The following LRRC41 variants were observed in gnomAD, a reference collection of about 807,000 sequenced individuals.
LRRC41 encodes the protein leucine rich repeat containing 41.
A neutral mutation model predicts 72.1 loss-of-function variants in LRRC41; 17 were observed. The observed-to-expected ratio is 0.24, with a 90% CI of 0.16 to 0.35. LRRC41 has a LOEUF of 0.35. LRRC41 is among the 10% of genes least tolerant of loss of function. LRRC41 has a pLI of 1.00. For missense variants in LRRC41, 759 were observed against 1,065.0 expected (o/e 0.71, Z 4.00); for synonymous variants, 427 against 431.0 (o/e 0.99, Z 0.11).
chr1:46,278,741 A>C lies in LRRC41; in HGVS notation c.*124T>G, dbSNP rs928610075. ...AGGACCTCAGTGCAAGGGAAGAAGG[A>C]AAAAAGAGAAAAAAGGTGACAGAAA... On this transcript the variant is annotated 3_prime_UTR_variant, in exon 10 of 10. Transcript: ENST00000617190. 1.0e-5 allele frequency: 10 copies of C among 991,766 alleles called. No individual in the cohort carries two copies. The highest frequency in any genetic ancestry group is 1.5e-5 in the Non-Finnish European group (10 of 670,162). The allele number at this position is 991,766 out of a possible 1,614,324, so 61.4% of individuals were successfully genotyped here. A position where few individuals can be genotyped will look rare whatever the true frequency, so the allele number is the denominator to read the frequency against.
At position 46,285,266 on chromosome 1, in the gene LRRC41, AC is replaced by A. The variant is rs1557714283; in HGVS notation, c.1495+95del. The stretch of plus-strand genomic sequence containing the variant: ...CCTTCCTCTCTAACCTCCTGATCAT[AC>A]CCCCAATTTGCCCCTCCCACCTCCC... On this transcript the variant is annotated intron_variant, in intron 4 of 9. Coordinates refer to ENST00000617190, the MANE Select transcript of LRRC41 (RefSeq NM_006369.5). This position sits in a 1 kb window ranked among gnomAD's most constrained non-coding sequence, Gnocchi z 5.3. 8.2e-7 allele frequency: 1 copy of A among 1,218,354 alleles called. No homozygotes were observed. Among genetic ancestry groups the A allele is most frequent in the Non-Finnish European group, 1.2e-6 (1 of 846,324 alleles). The allele number at this position is 1,218,354 out of a possible 1,614,324, so 75.5% of individuals were successfully genotyped here.
intron 3 of LRRC41, among the ~76,000 whole-genome samples, chr1:46,293,169 C>T (rs377023861): frequency 2.9e-4 from 43 of 149,570 alleles, no homozygotes; most frequent in African/African-American, 1.0e-3. Context: ...GGCGACAGAG[C>T]GAGATTTCGT....
chr1:46,298,859 T>C (rs1366176608), intron 1 of LRRC41: 4 of 153,058 alleles, frequency 2.6e-5, no homozygotes, highest in Middle Eastern at 3.2e-3. Context: ...TTCTTTCCAA[T>C]AGGAATGTCC....
At chr1:46,300,388 C>T (rs935432137) in intron 1 of LRRC41, 3 of 152,218 alleles carry the variant, frequency 2.0e-5, no homozygotes, top group African/African-American at 7.2e-5. Flanking sequence ...GCTCCAGGGT[C>T]TCTTTTTATC....
At chr1:46,294,271 A>G (rs1661076896) in intron 3 of LRRC41, among the ~76,000 whole-genome samples, 1 of 151,468 alleles carries the variant, frequency 6.6e-6, no homozygotes, top group Non-Finnish European at 1.5e-5. Flanking sequence ...CCACAACAGG[A>G]TAATTTTTCT....
In LRRC41 at chr1:46,302,101, C is replaced by A. The variant is rs905455544; in HGVS notation, c.199+1023G>T. 8 of 985,288 alleles carry A rather than the reference C, an allele frequency of 8.1e-6. No individual in the cohort carries two copies. In the African/African-American group the frequency reaches 1.4e-4, roughly 17 times the overall value. 61.0% of individuals were successfully genotyped at this position (985,288 alleles called of 1,614,324 possible). A position where few individuals can be genotyped will look rare whatever the true frequency, so the allele number is the denominator to read the frequency against. ...AGCCCAACTGGCCGGTTCGCCCTCC[C>A]CGGCCGTTCATCCCGGCGCCCCAGG... On this transcript the variant is annotated intron_variant, in intron 1 of 9. Coordinates refer to ENST00000617190, the MANE Select transcript of LRRC41 (RefSeq NM_006369.5). This position sits in a 1 kb window ranked among gnomAD's most constrained non-coding sequence, Gnocchi z 4.7.
chr1:46,287,781 G>A (rs1441023239), intron 3 of LRRC41, among the ~76,000 whole-genome samples: 2 of 152,174 alleles, frequency 1.3e-5, no homozygotes, highest in Non-Finnish European at 2.9e-5. Context: ...AGACTAAGAG[G>A]CTGGTATGTT....
At chr1:46,281,415 C>T in intron 4 of LRRC41, 30 bp from the exon 5 acceptor site, 1 of 1,608,584 alleles carries the variant, frequency 6.2e-7, no homozygotes, top group Non-Finnish European at 8.5e-7. Context: ...AAGTCAGAAC[C>T]ATGTGGGAGT....
In LRRC41 at chr1:46,285,644, CCT is replaced by C. The variant is rs1660868349; in HGVS notation, c.1211_1212del (p.Gln404ArgfsTer7). 6.2e-7 allele frequency: 1 copy of C among 1,614,080 alleles called. No homozygotes were observed. The highest frequency in any genetic ancestry group is 1.3e-5 in the African/African-American group (1 of 74,936). On this transcript the variant is annotated frameshift_variant, in exon 4 of 10. Transcript: ENST00000617190. LOFTEE classifies it high-confidence loss of function. The surrounding 1 kb of genome is among the most constrained non-coding windows in gnomAD (Gnocchi z 5.3). ...AGGTCTTCAGACTCTGCACCAGGCCCCTGACGGGTGCGAGCACCCTTCTTCCC... is the reference window on the plus strand; with the variant it reads ...AGGTCTTCAGACTCTGCACCAGGCCCGACGGGTGCGAGCACCCTTCTTCCC... ...AAGKKGARTRQGPGAESEDLY... is the reference protein window; with the variant it reads ...AAGKKGARTRXGPGAESEDLY...
intron 3 of LRRC41, among the ~76,000 whole-genome samples, chr1:46,295,643 T>C (rs1661108489): frequency 6.6e-6 from 1 of 152,208 alleles, no homozygotes; most frequent in Non-Finnish European, 1.5e-5. Context: ...TGCTCTGAAA[T>C]GCTTTGAGCC....
Position 46,280,286 on chromosome 1 carries a change from G to A in LRRC41, c.1926C>T (p.Tyr642=). 6.2e-7 allele frequency: 1 copy of A among 1,613,938 alleles called. No individual in the cohort carries two copies. The highest frequency in any genetic ancestry group is 8.5e-7 in the Non-Finnish European group (1 of 1,179,776). ...FGLVLQTLKE[Y]NLALKRLSFH... is the part of the protein sequence containing the mutation. ...AGCTCAGTCTTTTCAGGGCTAGGTT[G>A]TACTCTGGATAGGAGGCAGAGACCA... Residue 642 remains tyrosine, a synonymous_variant, in exon 7 of 10, where the codon TAC becomes TAT. Transcript: ENST00000617190.
In LRRC41 at chr1:46,302,013, CA is replaced by C; in HGVS notation, c.199+1110del. ...TCTTTCACTTGCCCCACGTCGGACCCAAGTTTCCCTCGTCAGCGGCCAGGCC... is the reference window on the plus strand; with the variant it reads ...TCTTTCACTTGCCCCACGTCGGACCCAGTTTCCCTCGTCAGCGGCCAGGCC... On this transcript the variant is annotated intron_variant, in intron 1 of 9. Coordinates refer to ENST00000617190, the MANE Select transcript of LRRC41 (RefSeq NM_006369.5). The surrounding 1 kb of genome is among the most constrained non-coding windows in gnomAD (Gnocchi z 4.7). 1.0e-6 allele frequency: 1 copy of C among 985,404 alleles called. No individual in the cohort carries two copies. The highest frequency in any genetic ancestry group is 1.7e-5 in the African/African-American group (1 of 57,360). 61.0% of individuals were successfully genotyped at this position (985,404 alleles called of 1,614,324 possible). A position where few individuals can be genotyped will look rare whatever the true frequency, so the allele number is the denominator to read the frequency against.
Position 46,285,746 on chromosome 1 carries a change from T to C in LRRC41, c.1111A>G (p.Thr371Ala), listed in dbSNP as rs755207682. 124 of 1,603,690 alleles carry C rather than the reference T, an allele frequency of 7.7e-5. No homozygotes were observed. The highest frequency in any genetic ancestry group is 1.0e-4 in the Non-Finnish European group (120 of 1,174,958). Residue 371 changes from threonine (T) to alanine (A), a missense_variant, in exon 4 of 10, where the codon ACA (threonine) becomes GCA (alanine). Coordinates refer to ENST00000617190, the MANE Select transcript of LRRC41 (RefSeq NM_006369.5). The surrounding 1 kb of genome is among the most constrained non-coding windows in gnomAD (Gnocchi z 5.3). ...GCTGGTGCCCGTTTGTATGAGGATG[T>C]AGAAGAAGAGGCAGAGGAGGTGGCT... ...PAATSSASSSTSSYKRAPASS... is the reference protein window; with the variant it reads ...PAATSSASSSASSYKRAPASS...
intron 1 of LRRC41, among the ~76,000 whole-genome samples, chr1:46,301,096 A>G (rs1661212971): frequency 6.6e-6 from 1 of 152,092 alleles, no homozygotes; most frequent in African/African-American, 2.4e-5. Context: ...AAGTTCCTCC[A>G]GAGCCTTACC....
At chr1:46,288,638 G>A (rs895475225) in intron 3 of LRRC41, among the ~76,000 whole-genome samples, 2 of 152,162 alleles carry the variant, frequency 1.3e-5, no homozygotes, top group African/African-American at 4.8e-5. Flanking sequence ...CCTATTTGAG[G>A]TTCTTAGAAG....
intron 3 of LRRC41, among the ~76,000 whole-genome samples, chr1:46,294,592 CTT>C (rs60249294): frequency 1.5e-4 from 16 of 108,316 alleles, no homozygotes; most frequent in Admixed American, 2.3e-4. Flanking sequence ...ACAACTAATT[CTT>C]TTTTTTTTTT....
rs953968231 is a variant in LRRC41, at chr1:46,302,223, G to A, written c.199+901C>T. 3 of 985,178 alleles carry A rather than the reference G, an allele frequency of 3.0e-6. No individual in the cohort carries two copies. Among genetic ancestry groups the A allele is most frequent in the African/African-American group, 1.7e-5 (1 of 57,208 alleles). The allele number at this position is 985,178 out of a possible 1,614,324, so 61.0% of individuals were successfully genotyped here. On this transcript the variant is annotated intron_variant, in intron 1 of 9. Coordinates refer to ENST00000617190, the MANE Select transcript of LRRC41 (RefSeq NM_006369.5). The surrounding 1 kb of genome is among the most constrained non-coding windows in gnomAD (Gnocchi z 4.7). The stretch of plus-strand genomic sequence containing the variant: ...CAGCCCAAGGCCTCTTGGCGGCGCC[G>A]CGCCCCCTGCCACGGCAGCCCGGCA...
rs1193774015 is a variant in LRRC41, at chr1:46,279,440, G to A, written c.2143+52C>T. 1 of 1,613,908 alleles carries A rather than the reference G, an allele frequency of 6.2e-7. No individual in the cohort carries two copies. Among genetic ancestry groups the A allele is most frequent in the Non-Finnish European group, 8.5e-7 (1 of 1,179,864 alleles). The stretch of plus-strand genomic sequence containing the variant: ...TTTGCCTTTATCCAGTGAGTTTTTA[G>A]GTCAAAGGCCTAGCTCCTTTCCCCT... On this transcript the variant is annotated intron_variant, in intron 8 of 9. Coordinates refer to ENST00000617190, the MANE Select transcript of LRRC41 (RefSeq NM_006369.5). The surrounding 1 kb of genome is among the most constrained non-coding windows in gnomAD (Gnocchi z 4.5).
Position 46,285,324 on chromosome 1 carries a change from C to G in LRRC41, c.1495+38G>C. On this transcript the variant is annotated intron_variant, in intron 4 of 9. Coordinates refer to ENST00000617190, the MANE Select transcript of LRRC41 (RefSeq NM_006369.5). This position sits in a 1 kb window ranked among gnomAD's most constrained non-coding sequence, Gnocchi z 5.3. ...TAGGCACACAGCTGGTGCTGCTAGG[C>G]AATCTAAGCCCAATCCCTGCCACTC... 2 of 1,605,008 alleles carry G rather than the reference C, an allele frequency of 1.2e-6. No homozygotes were observed.
Sources: allele counts gnomAD v4.1 joint callset (sites outside exome capture counted in the v4.1 genomes callset), GRCh38; gene constraint gnomAD v4.1.1; non-coding constraint Gnocchi (gnomAD v3.1); transcripts MANE v1.5; gene names NCBI Gene and HGNC (gene_info 2026-07-23, HGNC 2026-07-21).